GDF10: variants seen among roughly 807,000 people sequenced by gnomAD.
GDF10 encodes the protein growth differentiation factor 10, also known as growth/differentiation factor 10.
GDF10 carries 23 observed loss-of-function variants against 32.1 expected under a neutral mutation model. The observed-to-expected ratio is 0.72, with a 90% confidence interval of 0.52 to 1.02. The LOEUF (loss-of-function observed/expected upper bound fraction) is 1.02. GDF10 is among the 50% of genes least tolerant of loss of function. The pLI is 0.00. For synonymous variants in GDF10, 328 were observed against 303.1 expected (o/e 1.08, Z -0.85); for missense variants, 764 against 673.9 (o/e 1.13, Z -1.48).
intron 1 of GDF10, among the ~76,000 whole-genome samples, chr10:47,304,902 C>A (rs1304402027): frequency 2.0e-5 from 3 of 152,204 alleles, no homozygotes; most frequent in East Asian, 3.8e-4. Context: ...TGCAAAGGTT[C>A]TTTACACAGT....
chr10:47,311,929 C>T (rs1555207812), intron 2 of GDF10, among the ~76,000 whole-genome samples: 1 of 152,216 alleles, frequency 6.6e-6, no homozygotes, highest in African/African-American at 2.4e-5. Flanking sequence ...GTTGGTTCAT[C>T]TTGTCAGAGG....
At position 47,300,698 on chromosome 10, in the gene GDF10, T is replaced by G; in HGVS notation, c.47T>G (p.Leu16Arg). The G allele has an allele frequency of 6.5e-7, 1 of 1,544,410 alleles. No homozygotes were observed. Among genetic ancestry groups the G allele is most frequent in the Non-Finnish European group, 8.8e-7 (1 of 1,136,308 alleles). ...ARTSPGPGPQ[L>R]LLLLLPLFLL... is the part of the protein sequence containing the mutation. Reference sequence around the variant, plus strand: ...ACCAGCCCGGGACCCGGGCCCCAGCTGCTGCTGCTGCTGCTGCCGTTGTTT... The same window carrying G: ...ACCAGCCCGGGACCCGGGCCCCAGCGGCTGCTGCTGCTGCTGCCGTTGTTT... The change falls in exon 1 of 3, where the codon CTG (leucine) becomes CGG (arginine). Residue 16 changes from leucine to arginine, a missense_variant. Coordinates refer to ENST00000580279, the MANE Select transcript of GDF10 (RefSeq NM_004962.5).
At chr10:47,304,261 T>C (rs1282420058) in intron 1 of GDF10, among the ~76,000 whole-genome samples, 3 of 151,914 alleles carry the variant, frequency 2.0e-5, no homozygotes, top group African/African-American at 2.4e-5. Flanking sequence ...AAGCAGGCCA[T>C]GGAGAGCCAT....
intron 1 of GDF10, among the ~76,000 whole-genome samples, chr10:47,303,522 C>G (rs914140826): frequency 1.3e-5 from 2 of 152,066 alleles, no homozygotes; most frequent in Non-Finnish European, 2.9e-5. Context: ...TTAATGGAAA[C>G]TGAGATATGT....
rs199811867 is a variant in GDF10 at position 47,312,651 on chromosome 10, G to A, written c.1296G>A (p.Val432=). ...HATIQSIVRA[V]GIIPGIPEPC... ...CCATCCAGAGCATTGTCAGGGCTGT[G>A]GGCATCATCCCTGGCATCCCAGAGC... The change falls in exon 3 of 3, where the codon GTG becomes GTA. Residue 432 remains valine (V), a synonymous_variant. Transcript: ENST00000580279. 16 of 1,608,722 alleles carry A rather than the reference G, an allele frequency of 9.9e-6. No individual in the cohort carries two copies. Among genetic ancestry groups the A allele is most frequent in the Non-Finnish European group, 5.1e-6 (6 of 1,177,158 alleles).
Position 47,310,354 on chromosome 10 carries a change from A to G in GDF10, c.878A>G (p.Gln293Arg). ...GACCCCCGCGTGCGCCGAGCCGCGCAGGCCACTGGGCCCCTCCAGGACAAC... is the reference window on the plus strand; with the variant it reads ...GACCCCCGCGTGCGCCGAGCCGCGCGGGCCACTGGGCCCCTCCAGGACAAC... ...SADPRVRRAA[Q>R]ATGPLQDNEL... The change falls in exon 2 of 3, where the codon CAG becomes CGG. Residue 293 changes from glutamine (Q) to arginine (R), a missense_variant. By Grantham distance (43) the Gln-to-Arg change is conservative. Transcript: ENST00000580279. 1 of 1,606,488 alleles carries G rather than the reference A, an allele frequency of 6.2e-7. No individual in the cohort carries two copies. The highest frequency in any genetic ancestry group is 8.5e-7 in the Non-Finnish European group (1 of 1,177,244).
intron 1 of GDF10, among the ~76,000 whole-genome samples, chr10:47,307,979 G>C (rs1480621416): frequency 2.0e-5 from 3 of 152,206 alleles, no homozygotes; most frequent in African/African-American, 7.2e-5. Context: ...GATGGAGGCT[G>C]TTGTCCCTGT....
intron 1 of GDF10, among the ~76,000 whole-genome samples, chr10:47,305,332 A>T (rs2061019510): frequency 1.3e-5 from 2 of 151,988 alleles, no homozygotes; most frequent in South Asian, 2.1e-4. Context: ...AGGTGCAAAT[A>T]CTCTATCCAG....
At position 47,312,911 on chromosome 10, in the gene GDF10, G is replaced by A. The variant is rs782181121; in HGVS notation, c.*119G>A. On this transcript the variant is annotated 3_prime_UTR_variant, in exon 3 of 3. Transcript: ENST00000580279. ...GCACAGCTCATGGGCAACATCACTGGGGCCCAGAGAGAGCTGTCCGCCAGT... is the reference window on the plus strand; with the variant it reads ...GCACAGCTCATGGGCAACATCACTGAGGCCCAGAGAGAGCTGTCCGCCAGT... The A allele has an allele frequency of 1.0e-5, 6 of 596,112 alleles. No individual in the cohort carries two copies. Among genetic ancestry groups the A allele is most frequent in the Non-Finnish European group, 1.7e-5 (6 of 351,790 alleles). 36.9% of individuals were successfully genotyped at this position (596,112 alleles called of 1,614,324 possible). A position where few individuals can be genotyped will look rare whatever the true frequency, so the allele number is the denominator to read the frequency against.
At chr10:47,304,327 G>GTT (rs1323523509) in intron 1 of GDF10, among the ~76,000 whole-genome samples, 2 of 151,976 alleles carry the variant, frequency 1.3e-5, no homozygotes, top group Non-Finnish European at 2.9e-5. Flanking sequence ...ACGTGCATGC[G>GTT]TAAGGGACAG....
chr10:47,300,671 G>A lies in GDF10; in HGVS notation c.20G>A (p.Arg7Gln), dbSNP rs570702827. Reference sequence around the variant, plus strand: ...CACGCCATGGCTCATGTCCCCGCTCGGACCAGCCCGGGACCCGGGCCCCAG... The same window carrying A: ...CACGCCATGGCTCATGTCCCCGCTCAGACCAGCCCGGGACCCGGGCCCCAG... MAHVPA[R>Q]TSPGPGPQLL... The change falls in exon 1 of 3, where the codon CGG becomes CAG. Residue 7 changes from arginine (R) to glutamine (Q), a missense_variant. By Grantham distance (43) the Arg-to-Gln change is conservative (BLOSUM62 1). Transcript: ENST00000580279. The A allele has an allele frequency of 1.7e-5, 28 of 1,600,352 alleles. No homozygotes were observed. The African/African-American group carries it at 2.3e-4, about 13-fold the overall frequency.
rs782621889 is a variant in GDF10, at chr10:47,312,675, G to A, written c.1320G>A (p.Glu440=). ...RAVGIIPGIP[E]PCCVPDKMNS... is the part of the protein sequence containing the mutation. ...TGGGCATCATCCCTGGCATCCCAGA[G>A]CCCTGCTGTGTTCCCGATAAGATGA... Residue 440 remains glutamate (E), a synonymous_variant, in exon 3 of 3, where the codon GAG becomes GAA. Transcript: ENST00000580279. 6.2e-7 allele frequency: 1 copy of A among 1,610,920 alleles called. No homozygotes were observed. The highest frequency in any genetic ancestry group is 1.1e-5 in the South Asian group (1 of 90,370).
chr10:47,306,487 A>T (rs1227690587), intron 1 of GDF10, among the ~76,000 whole-genome samples: 3 of 152,262 alleles, frequency 2.0e-5, no homozygotes, highest in African/African-American at 7.2e-5. Context: ...ATCTCATTCA[A>T]CATGCATCTC....
chr10:47,309,707 G>T (rs1486965819), intron 1 of GDF10, 89 bp from the exon 2 acceptor site: 2 of 779,830 alleles, frequency 2.6e-6, no homozygotes, highest in African/African-American at 1.8e-5. Flanking sequence ...GTGTGGATCG[G>T]TGGGCGTTTG....
chr10:47,301,022 C>A, intron 1 of GDF10, 52 bp downstream of exon 1: 1 of 1,218,998 alleles, frequency 8.2e-7, no homozygotes, highest in Non-Finnish European at 1.1e-6. Flanking sequence ...ACCTTCCTCA[C>A]TTTTCTGTCT....
chr10:47,306,181 A>G (rs1462143155), intron 1 of GDF10, among the ~76,000 whole-genome samples: 1 of 152,216 alleles, frequency 6.6e-6, no homozygotes, highest in African/African-American at 2.4e-5. Context: ...AACACTCAGC[A>G]TAGGACCAAG....
chr10:47,304,803 G>T (rs897396861), intron 1 of GDF10, among the ~76,000 whole-genome samples: 2 of 152,056 alleles, frequency 1.3e-5, no homozygotes, highest in Admixed American at 6.5e-5. Flanking sequence ...TGGTCATCTT[G>T]AACTTTTCCC....
rs1366721766 is a variant in GDF10 at position 47,300,265 on chromosome 10, G to T, written c.-387G>T. ...TGTCAGCTGCAGCCCCAGAGGTCCGGGGCGCGCAGCCGGGTCCCCTCGAGG... is the reference window on the plus strand; with the variant it reads ...TGTCAGCTGCAGCCCCAGAGGTCCGTGGCGCGCAGCCGGGTCCCCTCGAGG... On this transcript the variant is annotated 5_prime_UTR_variant, in exon 1 of 3. Transcript: ENST00000580279. 2 of 171,132 alleles carry T rather than the reference G, an allele frequency of 1.2e-5. No homozygotes were observed. The highest frequency in any genetic ancestry group is 2.3e-3 in the Middle Eastern group (1 of 434). The allele number at this position is 171,132 out of a possible 1,614,324, so 10.6% of individuals were successfully genotyped here.
intron 1 of GDF10, among the ~76,000 whole-genome samples, chr10:47,307,073 G>T (rs754448602): frequency 6.6e-6 from 1 of 152,068 alleles, no homozygotes; most frequent in Non-Finnish European, 1.5e-5. Flanking sequence ...CTGAAGACGG[G>T]TGTCATTGCC....
Sources: gnomAD v4.1 joint callset for allele counts (sites outside exome capture counted in the v4.1 genomes callset) on GRCh38, gnomAD v4.1.1 for gene constraint, MANE v1.5 for transcripts, NCBI Gene and HGNC (gene_info 2026-07-23, HGNC 2026-07-21) for gene names.